The following ZFHX3 variants were observed in gnomAD, a reference collection of about 807,000 sequenced individuals.
ZFHX3 encodes zinc finger homeobox 3.
ZFHX3 carries 42 observed loss-of-function variants against 279.1 expected under a neutral mutation model. The observed-to-expected ratio is 0.15, with a 90% CI of 0.12 to 0.19. ZFHX3 has a LOEUF of 0.19. Among genes scored for constraint, ZFHX3 ranks in the 10% least tolerant of loss-of-function variants. The probability of loss-of-function intolerance (pLI) is 1.00; values close to 1 mark genes in which losing one functional copy is unlikely to be tolerated. For synonymous variants in ZFHX3, 2,293 were observed against 1,957.8 expected, an observed-to-expected ratio of 1.17 and a Z score of -4.52; for missense variants, 4,981 against 4,754.0, an observed-to-expected ratio of 1.05 and a Z score of -1.40.
chr16:73,048,689 T>G (rs530729553), upstream of ZFHX3, among the ~76,000 whole-genome samples: 1 of 152,322 alleles, frequency 6.6e-6, no homozygotes, highest in South Asian at 2.1e-4. Context: ...CACTCAAGCA[T>G]GGGGACAGGA....
intron 2 of ZFHX3, among the ~76,000 whole-genome samples, chr16:73,536,952 A>G (rs1254499228): frequency 6.6e-6 from 1 of 152,224 alleles, no homozygotes; most frequent in African/African-American, 2.4e-5. Context: ...AAAGAAAGAA[A>G]GAAACTCACA....
chr16:73,838,752 GTGTGTGTGTC>G (rs1344034292), intron 1 of ZFHX3, among the ~76,000 whole-genome samples: 1 of 135,976 alleles, frequency 7.4e-6, no homozygotes, highest in African/African-American at 3.1e-5. Flanking sequence ...GCGCACATGC[GTGTGTGTGTC>G]TGTGTGTGTG....
chr16:72,865,534 A>G (rs1041444441), intron 4 of ZFHX3, among the ~76,000 whole-genome samples: 1 of 152,288 alleles, frequency 6.6e-6, no homozygotes, highest in Non-Finnish European at 1.5e-5. Context: ...TCCCCACCCA[A>G]TGTGCCAACC....
intron 1 of ZFHX3, among the ~76,000 whole-genome samples, chr16:73,853,838 TAA>T (rs943668695): frequency 6.6e-6 from 1 of 152,124 alleles, no homozygotes; most frequent in African/African-American, 2.4e-5. Flanking sequence ...AATAAATTTT[TAA>T]AAAAGACTGA....
At chr16:73,699,033 CGCT>C (rs2053223397) in intron 1 of ZFHX3, among the ~76,000 whole-genome samples, 1 of 152,046 alleles carries the variant, frequency 6.6e-6, no homozygotes, top group Non-Finnish European at 1.5e-5. Flanking sequence ...TATAGGCGCC[CGCT>C]ACCACGCCTG....
At chr16:73,370,061 G>T (rs1404394791) in intron 3 of ZFHX3, among the ~76,000 whole-genome samples, 3 of 152,172 alleles carry the variant, frequency 2.0e-5, no homozygotes, top group African/African-American at 7.2e-5. Context: ...TCACACTGAG[G>T]TCAGTGCCTC....
At chr16:73,112,834 C>T (rs1368093826) in intron 7 of ZFHX3, among the ~76,000 whole-genome samples, 3 of 151,844 alleles carry the variant, frequency 2.0e-5, no homozygotes, top group Non-Finnish European at 4.4e-5. Flanking sequence ...CCTCTGCATC[C>T]AGGGAGGAGG....
At chr16:73,251,857 C>A (rs1455728202) in intron 5 of ZFHX3, among the ~76,000 whole-genome samples, 1 of 141,270 alleles carries the variant, frequency 7.1e-6, no homozygotes, top group Non-Finnish European at 1.5e-5. Flanking sequence ...ATACACACCG[C>A]ACACACGCAC....
chr16:73,462,736 T>C (rs1028509347), intron 2 of ZFHX3, among the ~76,000 whole-genome samples: 1 of 152,196 alleles, frequency 6.6e-6, no homozygotes, highest in African/African-American at 2.4e-5. Flanking sequence ...TTTCAATATC[T>C]AACCAGTCTT....
intron 3 of ZFHX3, among the ~76,000 whole-genome samples, chr16:72,939,566 G>A (rs778207501): frequency 1.3e-5 from 2 of 152,188 alleles, no homozygotes; most frequent in African/African-American, 2.4e-5. Flanking sequence ...ACCAAACCCC[G>A]ACATTATCAT....
chr16:73,517,776 C>T (rs1271513597), intron 2 of ZFHX3, among the ~76,000 whole-genome samples: 1 of 152,136 alleles, frequency 6.6e-6, no homozygotes, highest in East Asian at 1.9e-4. Flanking sequence ...CCAGAAGCAG[C>T]CCTCAGGTAC....
intron 1 of ZFHX3, among the ~76,000 whole-genome samples, chr16:73,868,297 C>T (rs1387037723): frequency 6.6e-6 from 1 of 152,244 alleles, no homozygotes; most frequent in African/African-American, 2.4e-5. Flanking sequence ...CCAAGGCAGG[C>T]GATCACCTGA....
At chr16:73,758,023 C>T (rs2053828230) in intron 1 of ZFHX3, among the ~76,000 whole-genome samples, 1 of 152,204 alleles carries the variant, frequency 6.6e-6, no homozygotes, top group African/African-American at 2.4e-5. Context: ...AATGCACATA[C>T]ACTCTCAGGA....
At chr16:73,499,608 A>G (rs2019200746) in intron 2 of ZFHX3, 1 of 152,176 alleles carries the variant, frequency 6.6e-6, no homozygotes, top group Admixed American at 6.5e-5. Context: ...GAACCAATGA[A>G]AGCAAATTTG....
At chr16:73,453,748 G>A (rs1426573941) in intron 3 of ZFHX3, among the ~76,000 whole-genome samples, 2 of 152,364 alleles carry the variant, frequency 1.3e-5, no homozygotes, top group East Asian at 1.9e-4. Flanking sequence ...CATGGCTGGG[G>A]AGGCTTCACA....
At chr16:73,579,097 C>T (rs1048614418) in intron 2 of ZFHX3, among the ~76,000 whole-genome samples, 3 of 152,182 alleles carry the variant, frequency 2.0e-5, no homozygotes, top group African/African-American at 7.2e-5. Context: ...GCTTCATCTG[C>T]GTGATAAAAC....
intron 3 of ZFHX3, among the ~76,000 whole-genome samples, chr16:73,341,594 A>G (rs1394215909): frequency 6.6e-6 from 1 of 152,220 alleles, no homozygotes; most frequent in East Asian, 1.9e-4. Flanking sequence ...AGAAATGAAA[A>G]CATCTGTCCA....
chr16:73,757,709 G>A lies in ZFHX3; in HGVS notation c.-1607-77469C>T, dbSNP rs183622294. The stretch of plus-strand genomic sequence containing the variant: ...AAAATATGTAAATGGTATTATTATT[G>A]GAGCACAGAGTTGGAGGGTTCCCTG... On this transcript the variant is annotated intron_variant, in intron 1 of 17. Coordinates refer to the ZFHX3 transcript ENST00000641206. 4.7e-4 allele frequency among the ~76,000 whole-genome samples: 72 copies of A among 152,248 alleles called. 1 individual carries two copies. Among genetic ancestry groups the A allele is most frequent in the Non-Finnish European group, 7.8e-4 (53 of 68,022 alleles).
intron 1 of ZFHX3, among the ~76,000 whole-genome samples, chr16:73,863,608 T>A (rs923595116): frequency 2.0e-5 from 3 of 152,228 alleles, no homozygotes; most frequent in African/African-American, 7.2e-5. Context: ...ATCTTCTGCA[T>A]TCTCAAGTTA....
Sources: allele counts gnomAD v4.1 joint callset (sites outside exome capture counted in the v4.1 genomes callset), GRCh38; gene constraint gnomAD v4.1.1; transcripts MANE v1.5; gene names NCBI Gene and HGNC (gene_info 2026-07-23, HGNC 2026-07-21).